The following NECTIN3 variants were observed in gnomAD, a reference collection of about 807,000 sequenced individuals.
NECTIN3 encodes the protein nectin cell adhesion molecule 3.
Under a neutral mutation model 49.4 loss-of-function variants are expected in NECTIN3, and 8 were observed. The observed-to-expected ratio is 0.16, with a 90% confidence interval of 0.10 to 0.29. The LOEUF (loss-of-function observed/expected upper bound fraction) is 0.29. NECTIN3 is among the 10% of genes least tolerant of loss of function. The pLI is 1.00. For missense variants in NECTIN3, 581 were observed against 654.6 expected (o/e 0.89, Z 1.23); for synonymous variants, 277 against 241.1 (o/e 1.15, Z -1.38).
intron 1 of NECTIN3, among the ~76,000 whole-genome samples, chr3:111,091,294 C>T (rs575907485): frequency 8.6e-5 from 13 of 151,876 alleles, no homozygotes; most frequent in South Asian, 2.1e-4. Context: ...CTTGCTTTGT[C>T]GCCCAGGCTG....
chr3:111,165,355 A>C (rs1470408709), intron 7 of NECTIN3, among the ~76,000 whole-genome samples: 1 of 151,870 alleles, frequency 6.6e-6, no homozygotes, highest in African/African-American at 2.4e-5. Context: ...ATTTTTTTTT[A>C]AAGCATTCTT....
At chr3:111,102,448 G>A (rs1450064619) in intron 1 of NECTIN3, among the ~76,000 whole-genome samples, 1 of 152,130 alleles carries the variant, frequency 6.6e-6, no homozygotes, top group Non-Finnish European at 1.5e-5. Flanking sequence ...CAACTCCCTT[G>A]CCTGTTTCTC....
intron 5 of NECTIN3, 88 bp from the exon 6 acceptor site, chr3:111,133,547 G>C (rs2034466132): frequency 2.0e-5 from 30 of 1,479,282 alleles, no homozygotes; most frequent in Non-Finnish European, 2.5e-5. Flanking sequence ...TTCATTAACT[G>C]TGCTGTCTTG....
intron 7 of NECTIN3, among the ~76,000 whole-genome samples, chr3:111,176,511 A>G (rs2035531315): frequency 6.6e-6 from 1 of 152,184 alleles, no homozygotes; most frequent in Non-Finnish European, 1.5e-5. Context: ...CAATTCAAAT[A>G]AAACTGCATT....
chr3:111,160,937 G>A (rs970213931), intron 7 of NECTIN3, among the ~76,000 whole-genome samples: 3 of 152,186 alleles, frequency 2.0e-5, no homozygotes, highest in African/African-American at 7.2e-5. Flanking sequence ...AACCCAGGAG[G>A]CAGAGCTTGC....
At chr3:111,188,592 A>T (rs2035761779), upstream of NECTIN3, among the ~76,000 whole-genome samples, 1 of 152,180 alleles carries the variant, frequency 6.6e-6, no homozygotes, top group Non-Finnish European at 1.5e-5. Flanking sequence ...AAAAGACAGC[A>T]ATGTTGTTAT....
chr3:111,150,861 G>A (rs1244678754), intron 7 of NECTIN3, among the ~76,000 whole-genome samples: 2 of 151,722 alleles, frequency 1.3e-5, no homozygotes, highest in Non-Finnish European at 2.9e-5. Flanking sequence ...ACCTGTAATA[G>A]GTTTCCTATT....
rs1169079950 is a variant in NECTIN3 at position 111,108,405 on chromosome 3, C to T, written c.161-3625C>T. Among the ~76,000 whole-genome samples the T allele has an allele frequency of 3.8e-4, 58 of 151,886 alleles. 1 individual carries two copies. Among genetic ancestry groups the T allele is most frequent in the Admixed American group, 3.7e-3 (57 of 15,242 alleles). ...CAATTTTGAACCAATGGGTCAGTTC[C>T]CTCCACCCCACAACAGTATCTCCCA... On this transcript the variant is annotated intron_variant, in intron 1 of 5. Transcript: ENST00000485303.
chr3:111,107,875 A>G (rs949213377), intron 1 of NECTIN3, among the ~76,000 whole-genome samples: 1 of 152,194 alleles, frequency 6.6e-6, no homozygotes, highest in Non-Finnish European at 1.5e-5. Context: ...AGGAATGGAA[A>G]TGTATTAGAT....
Position 111,128,624 on chromosome 3 carries a change from T to A in NECTIN3, c.1069+2289T>A, listed in dbSNP as rs1316925048. Among the ~76,000 whole-genome samples the A allele has an allele frequency of 2.6e-5, 4 of 152,202 alleles. No individual in the cohort carries two copies. The East Asian group carries it at 7.7e-4, about 29-fold the overall frequency. On this transcript the variant is annotated intron_variant, in intron 5 of 5. Coordinates refer to ENST00000485303, the MANE Select transcript of NECTIN3 (RefSeq NM_015480.3). ...TTTCAGTTACTGGTACTTCTTTCCT[T>A]ACATTTGTTCAGGATACAACCCTTG...
intron 7 of NECTIN3, among the ~76,000 whole-genome samples, chr3:111,179,890 CAAA>C (rs10715848): frequency 1.0e-4 from 12 of 116,966 alleles, no homozygotes; most frequent in East Asian, 2.2e-4. Context: ...GACTCTGTCT[CAAA>C]AAAAAAAAAA....
At chr3:111,100,759 A>G (rs538570725) in intron 1 of NECTIN3, among the ~76,000 whole-genome samples, 6 of 146,594 alleles carry the variant, frequency 4.1e-5, no homozygotes, top group Admixed American at 4.0e-4. Context: ...ATTCATTAGT[A>G]TTTTAAAATT....
chr3:111,174,523 A>G (rs567065739), intron 7 of NECTIN3, among the ~76,000 whole-genome samples: 1 of 152,308 alleles, frequency 6.6e-6, no homozygotes, highest in African/African-American at 2.4e-5. Context: ...TCCAAAACAC[A>G]TCTGGTCCTA....
chr3:111,072,493 C>G, intron 1 of NECTIN3: 5 of 1,535,896 alleles, frequency 3.3e-6, no homozygotes, highest in Non-Finnish European at 4.4e-6. Context: ...CTTCCTCGCT[C>G]ATTCTCTGGG....
At position 111,135,028 on chromosome 3, in the gene NECTIN3, AT is replaced by A; in HGVS notation, c.*817del. The A allele has an allele frequency of 1.0e-6, 1 of 980,520 alleles. No homozygotes were observed. Among genetic ancestry groups the A allele is most frequent in the Non-Finnish European group, 1.2e-6 (1 of 826,086 alleles). 60.7% of individuals were successfully genotyped at this position (980,520 alleles called of 1,614,324 possible). A position where few individuals can be genotyped will look rare whatever the true frequency, so the allele number is the denominator to read the frequency against. ...ATTTTGGTACATTAGCAGTAGCCTT[AT>A]TTTAATGCTTTATGTCCTAAACATA... is the stretch of plus-strand genomic sequence containing the variant. On this transcript the variant is annotated 3_prime_UTR_variant, in exon 6 of 6. Transcript: ENST00000485303.
chr3:111,186,159 G>T (rs763252634), intron 7 of NECTIN3, among the ~76,000 whole-genome samples: 1 of 152,044 alleles, frequency 6.6e-6, no homozygotes, highest in Non-Finnish European at 1.5e-5. Context: ...TGACAGGGAA[G>T]CTGGGAAACT....
At chr3:111,185,721 A>G (rs1481672171) in intron 7 of NECTIN3, among the ~76,000 whole-genome samples, 3 of 152,202 alleles carry the variant, frequency 2.0e-5, no homozygotes, top group Admixed American at 6.5e-5. Context: ...TGGGTTTTCT[A>G]TGATCCAGTA....
At chr3:111,117,265 TAGAA>T (rs1398224376) in intron 2 of NECTIN3, among the ~76,000 whole-genome samples, 1 of 152,088 alleles carries the variant, frequency 6.6e-6, no homozygotes, top group Non-Finnish European at 1.5e-5. Context: ...ATTCCATTCT[TAGAA>T]AGTTCAGAAA....
At chr3:111,181,265 T>C (rs951792130) in intron 7 of NECTIN3, among the ~76,000 whole-genome samples, 1 of 152,188 alleles carries the variant, frequency 6.6e-6, no homozygotes, top group African/African-American at 2.4e-5. Flanking sequence ...GTATAATGTT[T>C]TTAAGATTCA....
Sources: allele counts gnomAD v4.1 joint callset (sites outside exome capture counted in the v4.1 genomes callset), GRCh38; gene constraint gnomAD v4.1.1; transcripts MANE v1.5; gene names NCBI Gene and HGNC (gene_info 2026-07-23, HGNC 2026-07-21).